Variants in MBP observed in about 807,000 individuals in gnomAD.
MBP encodes the protein myelin basic protein.
MBP carries 16 observed loss-of-function variants against 35.8 expected under a neutral mutation model. That is an observed-to-expected ratio of 0.45 (90% CI 0.30 to 0.68). The LOEUF (loss-of-function observed/expected upper bound fraction) is 0.68, where lower values mean the gene tolerates loss of function less well. Ranked by LOEUF, MBP falls within the 30% of genes least tolerant of loss-of-function variation. MBP has a pLI of 0.08. For synonymous variants in MBP, 143 were observed against 159.6 expected, an observed-to-expected ratio of 0.90 and a Z score of 0.78; for missense variants, 380 against 404.7, an observed-to-expected ratio of 0.94 and a Z score of 0.52.
chr18:77,063,390 C>T (rs952764803), intron 3 of MBP, among the ~76,000 whole-genome samples: 2 of 152,280 alleles, frequency 1.3e-5, no homozygotes, highest in Non-Finnish European at 2.9e-5. Context: ...CTGGGCCAGC[C>T]TCCCCTAGGG....
At chr18:77,079,591 GCA>G (rs983561158) in intron 2 of MBP, among the ~76,000 whole-genome samples, 10 of 152,082 alleles carry the variant, frequency 6.6e-5, no homozygotes, top group Non-Finnish European at 1.0e-4. Flanking sequence ...TATTATAATA[GCA>G]CACACACAGT....
At chr18:77,069,920 C>T (rs1399928589) in intron 2 of MBP, among the ~76,000 whole-genome samples, 1 of 152,164 alleles carries the variant, frequency 6.6e-6, no homozygotes, top group Non-Finnish European at 1.5e-5. Flanking sequence ...TCTGATGGTT[C>T]AACATCTCTA....
At chr18:76,984,306 C>T (rs960311396) in intron 8 of MBP, 2 of 161,998 alleles carry the variant, frequency 1.2e-5, no homozygotes, top group Admixed American at 1.2e-4. Flanking sequence ...GCCTGGCATT[C>T]GTCCTGGGTC....
At chr18:76,993,561 A>AC (rs1389764200) in intron 4 of MBP, among the ~76,000 whole-genome samples, 3 of 151,906 alleles carry the variant, frequency 2.0e-5, no homozygotes, top group Non-Finnish European at 4.4e-5. Flanking sequence ...AAAAAAAAAA[A>AC]AAAAAAACAA....
chr18:77,041,202 G>A, intron 3 of MBP, among the ~76,000 whole-genome samples: 1 of 152,230 alleles, frequency 6.6e-6, no homozygotes. Context: ...GGTCATCAGA[G>A]AAATGCAAAT....
chr18:76,985,186 T>G, intron 7 of MBP: 1 of 1,463,014 alleles, frequency 6.8e-7, no homozygotes, highest in Non-Finnish European at 9.1e-7. Context: ...CTAAGTCGTT[T>G]AGGGAACAGT....
At chr18:77,016,659 A>G in intron 4 of MBP, 173 bp downstream of exon 4, 1 of 1,425,704 alleles carries the variant, frequency 7.0e-7, no homozygotes, top group Non-Finnish European at 9.1e-7. Flanking sequence ...AAACGTCCTA[A>G]GCAGCCACTC....
At chr18:77,056,948 G>A (rs775685922) in intron 3 of MBP, among the ~76,000 whole-genome samples, 48 of 152,218 alleles carry the variant, frequency 3.2e-4, no homozygotes, top group Admixed American at 9.8e-4. Context: ...CCCTGACCAC[G>A]CCCACACCCA....
chr18:77,066,502 G>A, intron 2 of MBP, 117 bp from the exon 3 acceptor site: 1 of 801,634 alleles, frequency 1.2e-6, no homozygotes, highest in Non-Finnish European at 2.2e-6. Context: ...TTTCACATCT[G>A]TTTTCAAGAT....
intron 1 of MBP, among the ~76,000 whole-genome samples, chr18:77,120,883 G>C (rs1976866890): frequency 6.6e-6 from 1 of 152,204 alleles, no homozygotes; most frequent in South Asian, 2.1e-4. Context: ...ACAAGATTTA[G>C]GACCCCGTGA....
chr18:77,105,055 A>AC (rs11412053), intron 2 of MBP, among the ~76,000 whole-genome samples, 156 bp downstream of exon 2: 56,259 of 133,858 alleles, frequency 0.42, 11,117 homozygotes, highest in East Asian at 0.58. Flanking sequence ...ATCATAATTA[A>AC]TTATTAATAA....
At position 77,105,225 on chromosome 18, in the gene MBP, C is replaced by T. The variant is rs779270491; in HGVS notation, c.37G>A (p.Glu13Lys). ...NHAGKRELNA[E>K]KASTNSETNR... ...TCACGTCTTACCGTACTGGCCTTCT[C>T]GGCATTTAATTCTCGTTTGCCTGCG... Residue 13 changes from glutamate to lysine, a missense_variant, in exon 2 of 9, where the codon GAG becomes AAG. Physicochemically the swap from Glu to Lys is moderately conservative, Grantham distance 56 (BLOSUM62 1). Coordinates refer to ENST00000355994, the MANE Select transcript of MBP (RefSeq NM_001025101.2). 12 of 1,612,698 alleles carry T rather than the reference C, an allele frequency of 7.4e-6. No individual in the cohort carries two copies. The highest frequency in any genetic ancestry group is 2.2e-5 in the South Asian group (2 of 91,044).
intron 2 of MBP, chr18:77,087,226 T>C: frequency 6.6e-6 from 1 of 152,194 alleles, no homozygotes; most frequent in East Asian, 1.9e-4. Context: ...CCCTCTGCCC[T>C]GCCCCTTAGG....
At chr18:77,057,481 G>A (rs1027268683) in intron 3 of MBP, among the ~76,000 whole-genome samples, 38 of 152,196 alleles carry the variant, frequency 2.5e-4, no homozygotes, top group Non-Finnish European at 4.9e-4. Flanking sequence ...ATCACAATTA[G>A]CGATCCATTC....
At chr18:76,987,087 G>A in intron 7 of MBP, 2 of 985,476 alleles carry the variant, frequency 2.0e-6, no homozygotes, top group Non-Finnish European at 2.4e-6. Flanking sequence ...GATGCAGGGA[G>A]GAATGCAAGG....
At position 76,984,841 on chromosome 18, in the gene MBP, A is replaced by G. The variant is rs1969444063; in HGVS notation, c.804T>C (p.Tyr268=). ...GFGYGGRASD[Y]KSAHKGFKGV... ...CCTTGAATCCCTTGTGAGCCGATTT[A>G]TAGTCGGACGCTCTGCCTCCGTAGC... Residue 268 remains tyrosine, a synonymous_variant, in exon 8 of 9, where the codon TAT becomes TAC. Coordinates refer to ENST00000355994, the MANE Select transcript of MBP (RefSeq NM_001025101.2). 1 of 1,613,934 alleles carries G rather than the reference A, an allele frequency of 6.2e-7. No individual in the cohort carries two copies. The highest frequency in any genetic ancestry group is 1.1e-5 in the South Asian group (1 of 91,078).
At chr18:77,043,978 C>T (rs141638353) in intron 3 of MBP, among the ~76,000 whole-genome samples, 2 of 152,176 alleles carry the variant, frequency 1.3e-5, no homozygotes, top group African/African-American at 2.4e-5. Flanking sequence ...CCCCCAGCTG[C>T]CGTCCTGTGT....
chr18:77,018,033 C>T (rs1005775170), intron 3 of MBP, among the ~76,000 whole-genome samples: 2 of 152,224 alleles, frequency 1.3e-5, no homozygotes, highest in Non-Finnish European at 2.9e-5. Flanking sequence ...AGTTTCCTCT[C>T]CAAACTCTAT....
intron 4 of MBP, chr18:77,016,312 C>A (rs555478468): frequency 1.1e-4 from 110 of 987,006 alleles, no homozygotes; most frequent in Non-Finnish European, 1.3e-4. Context: ...CCACAGAGAA[C>A]GTTTGCTCAA....
Sources: gnomAD v4.1 joint callset for allele counts (sites outside exome capture counted in the v4.1 genomes callset) on GRCh38, gnomAD v4.1.1 for gene constraint, MANE v1.5 for transcripts, NCBI Gene and HGNC (gene_info 2026-07-23, HGNC 2026-07-21) for gene names.